Variants in KLF12 observed in about 807,000 individuals in gnomAD.
The protein encoded by KLF12 is Krueppel-like factor 12.
KLF12 carries 9 observed loss-of-function variants against 37.8 expected under a neutral mutation model. That is an observed-to-expected ratio of 0.24 (90% confidence interval 0.14 to 0.42). KLF12 has a LOEUF of 0.42. Ranked by LOEUF, KLF12 falls within the 10% of genes least tolerant of loss-of-function variation. The pLI is 1.00. For synonymous variants in KLF12, 208 were observed against 202.1 expected, an observed-to-expected ratio of 1.03 and a Z score of -0.25; for missense variants, 411 against 516.0, an observed-to-expected ratio of 0.80 and a Z score of 1.97.
chr13:73,980,223 T>A (rs1334584946), intron 2 of KLF12, among the ~76,000 whole-genome samples: 1 of 152,164 alleles, frequency 6.6e-6, no homozygotes, highest in African/African-American at 2.4e-5. Context: ...CTGGTCTTAT[T>A]ACCATTAAAA....
At chr13:74,119,275 T>C (rs181971805) in intron 1 of KLF12, among the ~76,000 whole-genome samples, 1 of 151,470 alleles carries the variant, frequency 6.6e-6, no homozygotes, top group East Asian at 1.9e-4. Flanking sequence ...GAGGCTGCAG[T>C]GAGCCAAGAT....
intron 1 of KLF12, among the ~76,000 whole-genome samples, chr13:74,094,621 A>G (rs1368888513): frequency 6.7e-6 from 1 of 148,738 alleles, no homozygotes; most frequent in African/African-American, 2.5e-5. Context: ...TTTTTTTGAG[A>G]TGGAGTATCA....
At chr13:73,871,559 G>C (rs1036231566) in intron 3 of KLF12, among the ~76,000 whole-genome samples, 1 of 152,188 alleles carries the variant, frequency 6.6e-6, no homozygotes, top group African/African-American at 2.4e-5. Flanking sequence ...ACGGAGTCCA[G>C]TCCCACTCCA....
chr13:74,197,519 A>T, the KLF12 span, among the ~76,000 whole-genome samples: 4 of 151,960 alleles, frequency 2.6e-5, no homozygotes. Flanking sequence ...AGATACACTC[A>T]CTCATACTCA....
At chr13:74,101,650 T>C (rs1436342171) in intron 1 of KLF12, among the ~76,000 whole-genome samples, 1 of 152,090 alleles carries the variant, frequency 6.6e-6, no homozygotes, top group Non-Finnish European at 1.5e-5. Context: ...GAAAGACTAA[T>C]CAGGATGTGT....
intron 3 of KLF12, among the ~76,000 whole-genome samples, chr13:73,851,295 G>T (rs776912525): frequency 2.0e-5 from 3 of 152,182 alleles, no homozygotes; most frequent in African/African-American, 4.8e-5. Context: ...CATAAATACA[G>T]TCATTGCGGA....
chr13:73,912,637 C>T (rs1246812538), intron 3 of KLF12, among the ~76,000 whole-genome samples: 2 of 152,182 alleles, frequency 1.3e-5, no homozygotes, highest in Non-Finnish European at 2.9e-5. Flanking sequence ...AGCCCATGTC[C>T]CTGTTGACAT....
At chr13:73,914,737 A>G (rs1012335870) in intron 3 of KLF12, among the ~76,000 whole-genome samples, 1 of 152,212 alleles carries the variant, frequency 6.6e-6, no homozygotes, top group East Asian at 1.9e-4. Flanking sequence ...TAGCAAAAAT[A>G]TAGTTTCTTT....
At chr13:73,911,587 A>G (rs911343450) in intron 3 of KLF12, among the ~76,000 whole-genome samples, 1 of 152,268 alleles carries the variant, frequency 6.6e-6, no homozygotes, top group African/African-American at 2.4e-5. Context: ...TTAGAAGTTC[A>G]CAGAAAGGTT....
chr13:74,231,262 T>A, the KLF12 span, among the ~76,000 whole-genome samples: 5 of 152,232 alleles, frequency 3.3e-5, no homozygotes, highest in African/African-American at 1.2e-4. Context: ...AGGCACTCAG[T>A]AAATATTTTG....
At chr13:74,304,582 T>C in the KLF12 span, among the ~76,000 whole-genome samples, 1 of 152,144 alleles carries the variant, frequency 6.6e-6, no homozygotes, top group African/African-American at 2.4e-5. Context: ...TATTTGGCAT[T>C]GCAGTTATTA....
chr13:74,193,229 C>T, the KLF12 span, among the ~76,000 whole-genome samples: 1 of 152,150 alleles, frequency 6.6e-6, no homozygotes. Flanking sequence ...ATCCACCTTC[C>T]TGGGCCTCCC....
rs1022177032 is a variant in KLF12 at position 73,687,291 on chromosome 13, T to C, written c.*8199A>G. On this transcript the variant is annotated 3_prime_UTR_variant, in exon 8 of 8. Coordinates refer to ENST00000377669, the MANE Select transcript of KLF12 (RefSeq NM_007249.5). ...CACAGAGAGTTGGTTTGCCATGTGATGCAATGTGTCCCACATAGACATGAA... is the reference window on the plus strand; with the variant it reads ...CACAGAGAGTTGGTTTGCCATGTGACGCAATGTGTCCCACATAGACATGAA... 3 of 152,672 alleles carry C rather than the reference T, an allele frequency of 2.0e-5. No individual in the cohort carries two copies. Among genetic ancestry groups the C allele is most frequent in the Admixed American group, 6.5e-5 (1 of 15,274 alleles). 9.5% of individuals were successfully genotyped at this position (152,672 alleles called of 1,614,324 possible).
At chr13:74,165,225 G>T in the KLF12 span, among the ~76,000 whole-genome samples, 1 of 151,582 alleles carries the variant, frequency 6.6e-6, no homozygotes, top group African/African-American at 2.4e-5. Context: ...TTTAAAAAAT[G>T]GAATCATCAA....
chr13:73,752,945 G>C (rs9543445), intron 6 of KLF12, among the ~76,000 whole-genome samples: 72,384 of 151,448 alleles, frequency 0.48, 19,617 homozygotes, highest in East Asian at 0.78. Flanking sequence ...GTAGAGATGG[G>C]GTTTCACTGT....
At chr13:73,867,701 T>A (rs1372734187) in intron 3 of KLF12, among the ~76,000 whole-genome samples, 1 of 152,128 alleles carries the variant, frequency 6.6e-6, no homozygotes, top group Admixed American at 6.5e-5. Context: ...TATGAACTAT[T>A]TACCACAATG....
At position 73,692,034 on chromosome 13, in the gene KLF12, A is replaced by G. The variant is rs190090546; in HGVS notation, c.*3456T>C. 9 of 152,704 alleles carry G rather than the reference A, an allele frequency of 5.9e-5. No individual in the cohort carries two copies. In the East Asian group the frequency reaches 1.7e-3, roughly 29 times the overall value. The allele number at this position is 152,704 out of a possible 1,614,324, so 9.5% of individuals were successfully genotyped here. On this transcript the variant is annotated 3_prime_UTR_variant, in exon 8 of 8. Transcript: ENST00000377669. The stretch of plus-strand genomic sequence containing the variant: ...TGAATGAAAAGTGCTCATTTTTTTA[A>G]AAAATGTGGTTTATGTTGCTGTTAC...
the KLF12 span, among the ~76,000 whole-genome samples, chr13:74,288,813 C>A: frequency 0.035 from 5,318 of 152,208 alleles, 304 homozygotes; most frequent in African/African-American, 0.12. Context: ...GCCGGTCATG[C>A]AGCACTAGGG....
intron 2 of KLF12, among the ~76,000 whole-genome samples, chr13:73,993,935 T>C (rs1310707514): frequency 6.6e-6 from 1 of 152,184 alleles, no homozygotes; most frequent in African/African-American, 2.4e-5. Flanking sequence ...ACAGTACAGT[T>C]AATCCTCACT....
Sources: allele counts gnomAD v4.1 joint callset (sites outside exome capture counted in the v4.1 genomes callset), GRCh38; gene constraint gnomAD v4.1.1; transcripts MANE v1.5; gene names NCBI Gene and HGNC (gene_info 2026-07-23, HGNC 2026-07-21).